KCNJ3: variants seen among roughly 807,000 people sequenced by gnomAD.
The protein encoded by KCNJ3 is potassium inwardly rectifying channel subfamily J member 3, also known as G protein-activated inward rectifier potassium channel 1.
In KCNJ3, 4 loss-of-function variants were observed where a neutral mutation model predicts 39.2. The ratio of observed to expected loss-of-function variants is 0.10; its 90% CI spans 0.05 to 0.23. The LOEUF (loss-of-function observed/expected upper bound fraction) is 0.23, where lower values mean the gene tolerates loss of function less well. KCNJ3 is among the 10% of genes least tolerant of loss of function. The pLI, the probability that KCNJ3 is intolerant of heterozygous loss-of-function variation, is 1.00. For missense variants in KCNJ3, 276 were observed against 634.9 expected, an observed-to-expected ratio of 0.43 and a Z score of 6.08; for synonymous variants, 230 against 237.4, an observed-to-expected ratio of 0.97 and a Z score of 0.29.
At chr2:154,706,269 TA>T (rs1207879495) in intron 1 of KCNJ3, among the ~76,000 whole-genome samples, 1 of 152,140 alleles carries the variant, frequency 6.6e-6, no homozygotes, top group Non-Finnish European at 1.5e-5. Flanking sequence ...TTTATTGAGC[TA>T]AAGGAGATAA....
chr2:154,790,936 A>G (rs1172113773), intron 2 of KCNJ3, among the ~76,000 whole-genome samples: 1 of 152,030 alleles, frequency 6.6e-6, no homozygotes, highest in Non-Finnish European at 1.5e-5. Flanking sequence ...ATAATAAGAG[A>G]TTACCAATAT....
chr2:154,810,628 A>G (rs1174864408), intron 2 of KCNJ3, among the ~76,000 whole-genome samples: 1 of 152,184 alleles, frequency 6.6e-6, no homozygotes, highest in East Asian at 1.9e-4. Context: ...TTTATTTAAA[A>G]AAATCATTAA....
At chr2:154,769,393 T>G (rs763364255) in intron 2 of KCNJ3, among the ~76,000 whole-genome samples, 13 of 152,216 alleles carry the variant, frequency 8.5e-5, no homozygotes, top group Non-Finnish European at 1.5e-4. Context: ...GTTTTTAGCA[T>G]GAAGGGCTGT....
At chr2:154,779,612 C>T (rs916668363) in intron 2 of KCNJ3, among the ~76,000 whole-genome samples, 8 of 150,448 alleles carry the variant, frequency 5.3e-5, no homozygotes, top group Non-Finnish European at 7.4e-5. Flanking sequence ...GGCATGATCT[C>T]GGCTCACTGA....
At chr2:154,706,009 C>T (rs1472928204) in intron 1 of KCNJ3, among the ~76,000 whole-genome samples, 1 of 151,988 alleles carries the variant, frequency 6.6e-6, no homozygotes, top group African/African-American at 2.4e-5. Context: ...TATTCACTTT[C>T]TTTAAACTTC....
At chr2:154,829,532 G>C (rs1687327333) in intron 2 of KCNJ3, among the ~76,000 whole-genome samples, 1 of 152,140 alleles carries the variant, frequency 6.6e-6, no homozygotes, top group Non-Finnish European at 1.5e-5. Context: ...GTCAACCAGT[G>C]ATTAGCATTT....
At chr2:154,730,472 A>C (rs1009328695) in intron 2 of KCNJ3, among the ~76,000 whole-genome samples, 2 of 152,196 alleles carry the variant, frequency 1.3e-5, no homozygotes, top group African/African-American at 4.8e-5. Context: ...TAAAAGTCCA[A>C]ATAATCCAAT....
At chr2:154,759,912 A>G (rs1263848194) in intron 2 of KCNJ3, among the ~76,000 whole-genome samples, 5 of 152,186 alleles carry the variant, frequency 3.3e-5, no homozygotes, top group African/African-American at 1.2e-4. Flanking sequence ...CTAATTTTAC[A>G]TATTAACCAG....
At chr2:154,718,689 A>G (rs913514332) in intron 2 of KCNJ3, among the ~76,000 whole-genome samples, 4 of 152,226 alleles carry the variant, frequency 2.6e-5, no homozygotes, top group African/African-American at 9.7e-5. Context: ...AAAAATACGT[A>G]AAAAGAATAT....
chr2:154,816,037 C>T (rs1263235348), intron 2 of KCNJ3, among the ~76,000 whole-genome samples: 18 of 152,124 alleles, frequency 1.2e-4, no homozygotes, highest in Non-Finnish European at 1.3e-4. Context: ...TACTTTTTTT[C>T]TCTTTTCATT....
rs1685579682 is a variant in KCNJ3 at position 154,738,169 on chromosome 2, G to C, written c.919+28350G>C. 3.3e-5 allele frequency among the ~76,000 whole-genome samples: 5 copies of C among 152,184 alleles called. 1 individual carries two copies. The highest frequency in any genetic ancestry group is 3.3e-4 in the Admixed American group (5 of 15,266). ...CATTGTGTTAAGTGAAACGAGCCAG[G>C]CACAGAAAGACAAACATTGCATGTT... is the stretch of plus-strand genomic sequence containing the variant. On this transcript the variant is annotated intron_variant, in intron 2 of 2. Transcript: ENST00000295101.
chr2:154,721,569 A>G (rs1286730892), intron 2 of KCNJ3, among the ~76,000 whole-genome samples: 1 of 151,940 alleles, frequency 6.6e-6, no homozygotes, highest in African/African-American at 2.4e-5. Flanking sequence ...ATCTAACACG[A>G]CATGTTCAGC....
intron 2 of KCNJ3, among the ~76,000 whole-genome samples, chr2:154,832,268 T>C (rs1221834852): frequency 6.6e-6 from 1 of 152,066 alleles, no homozygotes. Flanking sequence ...TAAAAAAAAG[T>C]ATGAAATCAA....
chr2:154,796,978 C>T (rs1289455367), intron 2 of KCNJ3, among the ~76,000 whole-genome samples: 2 of 152,146 alleles, frequency 1.3e-5, no homozygotes, highest in African/African-American at 4.8e-5. Flanking sequence ...GGCCAAGAGA[C>T]TTTAGCACAT....
chr2:154,810,071 CTT>C (rs1686982333), intron 2 of KCNJ3, among the ~76,000 whole-genome samples: 1 of 151,842 alleles, frequency 6.6e-6, no homozygotes, highest in Non-Finnish European at 1.5e-5. Flanking sequence ...TCCTCTCTCT[CTT>C]TCTCTCTCTC....
chr2:154,786,026 A>G lies in KCNJ3; in HGVS notation c.920-68701A>G, dbSNP rs548880131. ...TGTCTGGGCTAATGTTAAGGTGTCA[A>G]TGTTTTAATCATGAAATTGATGGTT... On this transcript the variant is annotated intron_variant, in intron 2 of 2. Coordinates refer to ENST00000295101, the MANE Select transcript of KCNJ3 (RefSeq NM_002239.4). Among the ~76,000 whole-genome samples the G allele has an allele frequency of 1.8e-4, 28 of 152,290 alleles. No individual in the cohort carries two copies. The South Asian group carries it at 4.3e-3, about 24-fold the overall frequency.
chr2:154,844,413 C>T (rs1436680270), intron 2 of KCNJ3, among the ~76,000 whole-genome samples: 1 of 152,234 alleles, frequency 6.6e-6, no homozygotes, highest in Non-Finnish European at 1.5e-5. Context: ...CAGGGACCAA[C>T]TTGAGGAGGT....
intron 2 of KCNJ3, among the ~76,000 whole-genome samples, chr2:154,788,526 T>C (rs1211223636): frequency 6.6e-6 from 1 of 152,134 alleles, no homozygotes; most frequent in East Asian, 1.9e-4. Flanking sequence ...AGATGTCTTA[T>C]CATTTTTTCT....
chr2:154,734,685 A>G (rs764299657), intron 2 of KCNJ3, among the ~76,000 whole-genome samples: 2 of 152,172 alleles, frequency 1.3e-5, no homozygotes, highest in Non-Finnish European at 2.9e-5. Flanking sequence ...TAAGAAAGAG[A>G]AGGAAAGAGG....
Sources: gnomAD v4.1 joint callset for allele counts (sites outside exome capture counted in the v4.1 genomes callset) on GRCh38, gnomAD v4.1.1 for gene constraint, MANE v1.5 for transcripts, NCBI Gene and HGNC (gene_info 2026-07-23, HGNC 2026-07-21) for gene names.